The following SBF2 variants were observed in gnomAD, a reference collection of about 807,000 sequenced individuals.
SBF2 encodes the protein SET binding factor 2.
A neutral mutation model predicts 225.2 loss-of-function variants in SBF2; 112 were observed. The ratio of observed to expected loss-of-function variants is 0.50; its 90% CI spans 0.43 to 0.58. SBF2 has a LOEUF of 0.58. Among genes scored for constraint, SBF2 ranks in the 20% least tolerant of loss-of-function variants. SBF2 has a pLI of 0.00. For missense variants in SBF2, 1,996 were observed against 2,206.2 expected, an observed-to-expected ratio of 0.90 and a Z score of 1.91; for synonymous variants, 763 against 773.3, an observed-to-expected ratio of 0.99 and a Z score of 0.22.
At chr11:9,809,635 C>T (rs1263176778) in intron 30 of SBF2, among the ~76,000 whole-genome samples, 1 of 151,824 alleles carries the variant, frequency 6.6e-6, no homozygotes, top group African/African-American at 2.4e-5. Flanking sequence ...ACCTCTGCCC[C>T]CCGGGTTCAA....
chr11:10,055,572 C>CA (rs57652908), intron 2 of SBF2, among the ~76,000 whole-genome samples: 1 of 126,922 alleles, frequency 7.9e-6, no homozygotes, highest in Non-Finnish European at 1.7e-5. Context: ...CACACACACA[C>CA]CATGGAATAC....
At chr11:9,861,313 ACCT>A (rs576860965) in intron 17 of SBF2, among the ~76,000 whole-genome samples, 21 of 152,052 alleles carry the variant, frequency 1.4e-4, no homozygotes, top group Admixed American at 4.6e-4. Context: ...TCCCGCCTTA[ACCT>A]CCTGAGTAGC....
At chr11:9,937,014 C>T (rs1351226838) in intron 16 of SBF2, among the ~76,000 whole-genome samples, 2 of 151,962 alleles carry the variant, frequency 1.3e-5, no homozygotes, top group African/African-American at 2.4e-5. Context: ...CATCAGGGGC[C>T]AAATTTCTAA....
intron 2 of SBF2, among the ~76,000 whole-genome samples, chr11:10,048,573 T>C (rs781202132): frequency 1.6e-4 from 24 of 152,212 alleles, no homozygotes; most frequent in Non-Finnish European, 2.9e-4. Context: ...GGCAGACATG[T>C]ATTTGGCAGA....
intron 32 of SBF2, among the ~76,000 whole-genome samples, chr11:9,796,954 T>C (rs1019293245): frequency 1.3e-5 from 2 of 152,220 alleles, no homozygotes; most frequent in African/African-American, 4.8e-5. Context: ...GGTAGGCTGA[T>C]GACCCTGTGA....
chr11:9,836,196 G>C (rs1044527052), intron 26 of SBF2, among the ~76,000 whole-genome samples: 5 of 151,984 alleles, frequency 3.3e-5, no homozygotes, highest in Admixed American at 6.5e-5. Context: ...ATACCTCAAG[G>C]TCATGGAGAC....
chr11:9,793,451 G>A lies in SBF2; in HGVS notation c.4570+2380C>T, dbSNP rs560558083. 4.6e-5 allele frequency among the ~76,000 whole-genome samples: 7 copies of A among 152,182 alleles called. No individual in the cohort carries two copies. The South Asian group carries it at 1.5e-3, about 32-fold the overall frequency. On this transcript the variant is annotated intron_variant, in intron 33 of 39. Transcript: ENST00000256190. ...GTCACCCAGGCTGGAGTGCACTGGT[G>A]CGATCTCAGCTCACTGCAACCTCTG...
intron 1 of SBF2, among the ~76,000 whole-genome samples, chr11:10,279,196 G>A (rs905876603): frequency 1.3e-5 from 2 of 148,626 alleles, no homozygotes; most frequent in African/African-American, 4.9e-5. Flanking sequence ...TGGATCACCT[G>A]ATGTCAGGAG....
At chr11:10,126,082 T>C (rs1260353681) in intron 2 of SBF2, among the ~76,000 whole-genome samples, 1 of 152,192 alleles carries the variant, frequency 6.6e-6, no homozygotes, top group Non-Finnish European at 1.5e-5. Context: ...TCCATCGTTA[T>C]CAGTTTGTTC....
intron 6 of SBF2, among the ~76,000 whole-genome samples, chr11:10,013,150 T>G (rs1444410811): frequency 6.6e-6 from 1 of 152,190 alleles, no homozygotes; most frequent in South Asian, 2.1e-4. Flanking sequence ...TCTTCACAAT[T>G]TCTCTGTTAA....
At chr11:9,790,880 C>T (rs1852698003) in intron 33 of SBF2, 197 bp from the exon 34 acceptor site, 1 of 478,780 alleles carries the variant, frequency 2.1e-6, no homozygotes, top group Non-Finnish European at 3.7e-6. Flanking sequence ...GAAACAGATC[C>T]AGATGGAGGA....
intron 1 of SBF2, among the ~76,000 whole-genome samples, chr11:10,219,111 CT>C (rs1465224827): frequency 6.6e-6 from 1 of 152,202 alleles, no homozygotes; most frequent in African/African-American, 2.4e-5. Flanking sequence ...CCCTTGTGCA[CT>C]GCCCTAACAG....
intron 2 of SBF2, among the ~76,000 whole-genome samples, chr11:10,130,619 C>G (rs1199559041): frequency 2.0e-5 from 3 of 152,002 alleles, no homozygotes; most frequent in African/African-American, 7.3e-5. Context: ...TGTGTAATCA[C>G]CATCACAATC....
At chr11:10,262,621 T>G (rs983197628) in intron 1 of SBF2, among the ~76,000 whole-genome samples, 1 of 152,242 alleles carries the variant, frequency 6.6e-6, no homozygotes, top group Non-Finnish European at 1.5e-5. Context: ...TTTCTATGTA[T>G]GTATAAATTA....
At chr11:10,200,619 T>A (rs934486403) in intron 1 of SBF2, among the ~76,000 whole-genome samples, 3 of 152,326 alleles carry the variant, frequency 2.0e-5, no homozygotes, top group Admixed American at 2.0e-4. Context: ...ATTTCTTTAG[T>A]CAGCTCAGTA....
At chr11:9,930,880 CG>C (rs1864445178) in intron 16 of SBF2, among the ~76,000 whole-genome samples, 1 of 152,204 alleles carries the variant, frequency 6.6e-6, no homozygotes, top group Admixed American at 6.5e-5. Context: ...CCTGGAAAAA[CG>C]GGACACTCCC....
chr11:9,940,515 G>A (rs67011375), intron 16 of SBF2, among the ~76,000 whole-genome samples: 21,799 of 152,152 alleles, frequency 0.14, 1,743 homozygotes, highest in East Asian at 0.32. Flanking sequence ...ACAGGAGCAC[G>A]TATACCATTA....
chr11:9,981,214 A>G (rs72857124), intron 13 of SBF2, among the ~76,000 whole-genome samples: 7,159 of 152,262 alleles, frequency 0.047, 212 homozygotes, highest in Middle Eastern at 0.14. Flanking sequence ...ATTCTTCTTC[A>G]CTATTTCCTT....
At chr11:9,993,770 C>A (rs894906095) in intron 10 of SBF2, 151 bp downstream of exon 10, 2 of 753,924 alleles carry the variant, frequency 2.7e-6, no homozygotes, top group South Asian at 3.6e-5. Context: ...GACATAAGGA[C>A]AGTCAGCGGC....
Sources: gnomAD v4.1 joint callset for allele counts (sites outside exome capture counted in the v4.1 genomes callset) on GRCh38, gnomAD v4.1.1 for gene constraint, MANE v1.5 for transcripts, NCBI Gene and HGNC (gene_info 2026-07-23, HGNC 2026-07-21) for gene names.